The following RSKR variants were observed in gnomAD, a reference collection of about 807,000 sequenced individuals.
The protein encoded by RSKR is ribosomal protein S6 kinase-related protein.
A neutral mutation model predicts 56.8 loss-of-function variants in RSKR; 44 were observed. The observed-to-expected ratio is 0.77, with a 90% CI of 0.61 to 1.00. RSKR has a LOEUF of 1.00. RSKR is among the 50% of genes least tolerant of loss of function. The pLI is 0.00. For missense variants in RSKR, 510 were observed against 506.9 expected (o/e 1.01, Z -0.06); for synonymous variants, 181 against 188.0 (o/e 0.96, Z 0.30).
rs1451206871 is a variant in RSKR at position 28,610,964 on chromosome 17, T to C, written c.1011+179A>G. 6 of 670,150 alleles carry C rather than the reference T, an allele frequency of 9.0e-6. No homozygotes were observed. In the East Asian group the frequency reaches 1.1e-4, roughly 12 times the overall value. The allele number at this position is 670,150 out of a possible 1,614,324, so 41.5% of individuals were successfully genotyped here. A position where few individuals can be genotyped will look rare whatever the true frequency, so the allele number is the denominator to read the frequency against. On this transcript the variant is annotated intron_variant, in intron 11 of 11. Transcript: ENST00000301037. Reference sequence around the variant, plus strand: ...TCTCTGTTCTAGATGGGGAGGAGATTTGGGGGACCAGGAACTTAGGAATGT... The same window carrying C: ...TCTCTGTTCTAGATGGGGAGGAGATCTGGGGGACCAGGAACTTAGGAATGT...
intron 1 of RSKR, 103 bp from the exon 2 acceptor site, chr17:28,613,791 G>A (rs2070864159): frequency 2.7e-6 from 4 of 1,490,632 alleles, no homozygotes; most frequent in Non-Finnish European, 3.6e-6. Context: ...ACCCCTAGAG[G>A]TACATTTTTG....
Position 28,611,618 on chromosome 17 carries a change from C to A in RSKR, c.760G>T (p.Val254Leu). The change falls in exon 9 of 12, where the codon GTG (valine) becomes TTG (leucine). Residue 254 changes from valine (V) to leucine (L), a missense_variant. Val to Leu is a conservative substitution (Grantham distance 32). Coordinates refer to ENST00000301037, the MANE Select transcript of RSKR (RefSeq NM_001174103.2). ...KLTDFGLSRH[V>L]PQGAQAYTIC... The stretch of plus-strand genomic sequence containing the variant: ...GTGTAGGCTTGAGCTCCCTGGGGCA[C>A]GTGGCGGGACAGACCAAAGTCTGTC... 2 of 1,566,382 alleles carry A rather than the reference C, an allele frequency of 1.3e-6. No homozygotes were observed. Among genetic ancestry groups the A allele is most frequent in the Non-Finnish European group, 1.7e-6 (2 of 1,158,658 alleles).
Position 28,611,669 on chromosome 17 carries a change from G to A in RSKR, c.722-13C>T. ...AGTTTCAGATGGCCTATGAAAGAAG[G>A]TAAGGCAACTGCACCACTGTTCCAC... On this transcript the variant is annotated splice_polypyrimidine_tract_variant and intron_variant, in intron 8 of 11. Transcript: ENST00000301037. The A allele has an allele frequency of 6.2e-7, 1 of 1,602,316 alleles. No homozygotes were observed. Among genetic ancestry groups the A allele is most frequent in the East Asian group, 2.2e-5 (1 of 44,858 alleles).
Position 28,613,250 on chromosome 17 carries a change from C to T in RSKR, c.408+12G>A. The T allele has an allele frequency of 1.9e-6, 3 of 1,614,130 alleles. No individual in the cohort carries two copies. The highest frequency in any genetic ancestry group is 1.7e-6 in the Non-Finnish European group (2 of 1,180,024). ...TTGGAAACAGAGACTAATGTGGTAT[C>T]TACGCCCCTACCTTCACTGCAAATA... On this transcript the variant is annotated intron_variant, in intron 3 of 11. Transcript: ENST00000301037.
In RSKR at chr17:28,610,105, A is replaced by G. The variant is rs1197178696; in HGVS notation, c.*373T>C. The G allele has an allele frequency of 9.5e-6, 2 of 210,270 alleles. No homozygotes were observed. The highest frequency in any genetic ancestry group is 9.4e-5 in the South Asian group (1 of 10,682). The allele number at this position is 210,270 out of a possible 1,614,324, so 13.0% of individuals were successfully genotyped here. On this transcript the variant is annotated 3_prime_UTR_variant, in exon 12 of 12. Transcript: ENST00000301037. ...TCTGACAAGCCTATTAAACACATCAATAGCACCCTGGGAGCCCATGAAGTA... is the reference window on the plus strand; with the variant it reads ...TCTGACAAGCCTATTAAACACATCAGTAGCACCCTGGGAGCCCATGAAGTA...
chr17:28,611,881 C>T (rs2070820431), intron 7 of RSKR, 86 bp from the exon 8 acceptor site: 2 of 1,611,992 alleles, frequency 1.2e-6, no homozygotes, highest in South Asian at 1.1e-5. Flanking sequence ...AGGTGATGCC[C>T]TACTCAGCAC....
At chr17:28,613,710 C>G (rs774537290) in intron 1 of RSKR, 22 bp from the exon 2 acceptor site, 2 of 1,612,494 alleles carry the variant, frequency 1.2e-6, no homozygotes, top group South Asian at 1.1e-5. Flanking sequence ...GGGAGCCACT[C>G]TAAACTTTCT....
Position 28,611,468 on chromosome 17 carries a change from T to C in RSKR, c.825A>G (p.Leu275=), listed in dbSNP as rs1486537977. The C allele has an allele frequency of 3.7e-6, 6 of 1,603,994 alleles. No homozygotes were observed. Among genetic ancestry groups the C allele is most frequent in the Non-Finnish European group, 5.1e-6 (6 of 1,177,538 alleles). ...CAGCATGGTTGTAAGGTCCTCCACT[T>C]AGGACCTCTGGGGCTACAGATTTCA... ...GTLQYMAPEV[L]SGGPYNHAAD... Residue 275 remains leucine (L), a synonymous_variant, in exon 10 of 12, where the codon CTA becomes CTG. Coordinates refer to ENST00000301037, the MANE Select transcript of RSKR (RefSeq NM_001174103.2).
chr17:28,613,189 A>C, intron 3 of RSKR, 43 bp from the exon 4 acceptor site: 1 of 1,613,244 alleles, frequency 6.2e-7, no homozygotes, highest in East Asian at 2.2e-5. Flanking sequence ...AGTGCTATTG[A>C]ATTGTTTATT....
chr17:28,611,609 C>A lies in RSKR; in HGVS notation c.769G>T (p.Gly257Ter), dbSNP rs1279006081. ...DFGLSRHVPQGAQAYTICGTL... is the reference protein window; with the variant it reads ...DFGLSRHVPQ ...CCACAGATAGTGTAGGCTTGAGCTC[C>A]CTGGGGCACGTGGCGGGACAGACCA... The change falls in exon 9 of 12, where the codon GGA (glycine) becomes TGA (stop). Residue 257 changes from glycine (G) to a stop codon, truncating the protein, a stop_gained. Transcript: ENST00000301037. LOFTEE classifies it high-confidence loss of function. 1 of 1,567,986 alleles carries A rather than the reference C, an allele frequency of 6.4e-7. No individual in the cohort carries two copies. Among genetic ancestry groups the A allele is most frequent in the Admixed American group, 1.9e-5 (1 of 53,392 alleles).
At position 28,612,681 on chromosome 17, in the gene RSKR, T is replaced by C; in HGVS notation, c.484A>G (p.Ile162Val). The change falls in exon 5 of 12, where the codon ATC becomes GTC. Residue 162 changes from isoleucine to valine, a missense_variant. Ile to Val is a conservative substitution (Grantham distance 29). Coordinates refer to ENST00000301037, the MANE Select transcript of RSKR (RefSeq NM_001174103.2). ...CKEEVSIQRQ[I>V]NHPFVHSLGD... The stretch of plus-strand genomic sequence containing the variant: ...AAGCTGTGTACAAAGGGATGGTTGA[T>C]CTGTCGCTAGGAACAAAGAAAACAG... 6.2e-7 allele frequency: 1 copy of C among 1,614,132 alleles called. No homozygotes were observed. The highest frequency in any genetic ancestry group is 1.3e-5 in the African/African-American group (1 of 75,022).
At chr17:28,613,848 G>C (rs2070865383) in intron 1 of RSKR, 160 bp from the exon 2 acceptor site, 2 of 1,139,426 alleles carry the variant, frequency 1.8e-6, no homozygotes, top group African/African-American at 1.6e-5. Flanking sequence ...CTAAGCCCCA[G>C]ATTTCCTGGG....
rs2070863741 is a variant in RSKR at position 28,613,767 on chromosome 17, CCCCTT to C, written c.76-84_76-80del. 2.4e-5 allele frequency: 37 copies of C among 1,572,558 alleles called. No homozygotes were observed. In the South Asian group the frequency reaches 4.0e-4, roughly 17 times the overall value. On this transcript the variant is annotated intron_variant, in intron 1 of 11. Transcript: ENST00000301037. ...CCACCCATCTTACTAGGCACTCCCT[CCCCTT>C]AAGTCTCAACCCCTAGAGGTACATT...
At position 28,610,486 on chromosome 17, in the gene RSKR, G is replaced by A. The variant is rs1434110326; in HGVS notation, c.1225C>T (p.Pro409Ser). ...DLESFLLYPI[P>S]A Reference sequence around the variant, plus strand: ...ATTTACAGTAGAGAGGCTCAAGCAGGGATAGGGTAGAGCAAGAAGGACTCC... The same window carrying A: ...ATTTACAGTAGAGAGGCTCAAGCAGAGATAGGGTAGAGCAAGAAGGACTCC... Residue 409 changes from proline to serine, a missense_variant, in exon 12 of 12, where the codon CCT (proline) becomes TCT (serine). Transcript: ENST00000301037. The A allele has an allele frequency of 6.5e-7, 1 of 1,536,018 alleles. No homozygotes were observed. The highest frequency in any genetic ancestry group is 8.7e-7 in the Non-Finnish European group (1 of 1,146,884).
intron 11 of RSKR, chr17:28,610,902 G>T: frequency 1.5e-6 from 1 of 663,768 alleles, no homozygotes; most frequent in Non-Finnish European, 2.5e-6. Flanking sequence ...TGAGTTTTCA[G>T]ATGAGTGTAC....
rs769994764 is a variant in RSKR at position 28,611,381 on chromosome 17, C to A, written c.900+12G>T. 11 of 1,563,230 alleles carry A rather than the reference C, an allele frequency of 7.0e-6. No homozygotes were observed. The Admixed American group carries it at 1.9e-4, about 27-fold the overall frequency. On this transcript the variant is annotated intron_variant, in intron 10 of 11. Coordinates refer to ENST00000301037, the MANE Select transcript of RSKR (RefSeq NM_001174103.2). ...AGCTCTTCTCTGCCCAAAACTACTA[C>A]TATTCTCTCACCTTTCCAGTCGCCA...
Position 28,614,177 on chromosome 17 carries a change from CCTCT to C in RSKR, c.-20_-17del, listed in dbSNP as rs767860047. 1 of 1,612,938 alleles carries C rather than the reference CCTCT, an allele frequency of 6.2e-7. No homozygotes were observed. On this transcript the variant is annotated 5_prime_UTR_variant, in exon 1 of 12. Transcript: ENST00000301037. ...CTGCTCCCATTCCCAGCCTCTGCCT[CCTCT>C]CTCTGCTAAATCTGCTGTCCCAGTT...
At chr17:28,611,702 C>T in intron 8 of RSKR, 46 bp from the exon 9 acceptor site, 1 of 1,612,818 alleles carries the variant, frequency 6.2e-7, no homozygotes, top group South Asian at 1.1e-5. Flanking sequence ...CACCCATCAT[C>T]AGCCATGATT....
At chr17:28,613,857 G>C in intron 1 of RSKR, 169 bp from the exon 2 acceptor site, 1 of 1,108,192 alleles carries the variant, frequency 9.0e-7, no homozygotes, top group East Asian at 2.6e-5. Flanking sequence ...AGATTTCCTG[G>C]GCACAATTCA....
Sources: allele counts gnomAD v4.1 joint callset, GRCh38; gene constraint gnomAD v4.1.1; transcripts MANE v1.5; gene names NCBI Gene and HGNC (gene_info 2026-07-23, HGNC 2026-07-21).